Variants in NDRG3 observed in about 807,000 individuals in gnomAD.
NDRG3 encodes the protein NDRG family member 3.
Under a neutral mutation model 57.2 loss-of-function variants are expected in NDRG3, and 23 were observed. That is an observed-to-expected ratio of 0.40 (90% CI 0.29 to 0.57). The LOEUF (loss-of-function observed/expected upper bound fraction) is 0.57, where lower values mean the gene tolerates loss of function less well. Among genes scored for constraint, NDRG3 ranks in the 20% least tolerant of loss-of-function variants. The probability of loss-of-function intolerance (pLI) is 0.42; values close to 1 mark genes in which losing one functional copy is unlikely to be tolerated. For synonymous variants in NDRG3, 132 were observed against 162.6 expected, an observed-to-expected ratio of 0.81 and a Z score of 1.43; for missense variants, 384 against 457.3, an observed-to-expected ratio of 0.84 and a Z score of 1.46.
At chr20:36,660,705 C>T (rs532824456) in intron 12 of NDRG3, among the ~76,000 whole-genome samples, 15 of 151,754 alleles carry the variant, frequency 9.9e-5, no homozygotes, top group African/African-American at 3.1e-4. Context: ...GGACTACAGG[C>T]GCCCGCTACC....
At chr20:36,711,525 A>G (rs1056986788) in intron 2 of NDRG3, among the ~76,000 whole-genome samples, 6 of 152,168 alleles carry the variant, frequency 3.9e-5, no homozygotes, top group Non-Finnish European at 8.8e-5. Context: ...AGCAGCTGTC[A>G]TTGTATCCAT....
chr20:36,716,815 G>A (rs1271555817), intron 2 of NDRG3, among the ~76,000 whole-genome samples: 5 of 152,056 alleles, frequency 3.3e-5, no homozygotes, highest in Admixed American at 1.3e-4. Context: ...GAGGAGCCTG[G>A]AACAACCAGG....
At chr20:36,696,546 T>G (rs1030527098) in intron 3 of NDRG3, among the ~76,000 whole-genome samples, 9 of 151,506 alleles carry the variant, frequency 5.9e-5, no homozygotes, top group African/African-American at 2.2e-4. Flanking sequence ...CAGGCTGGAG[T>G]GCAGTGGCAC....
Position 36,711,021 on chromosome 20 carries a change from G to A in NDRG3, c.58-4014C>T, listed in dbSNP as rs1485228457. 2.0e-5 allele frequency among the ~76,000 whole-genome samples: 3 copies of A among 148,552 alleles called. 1 individual carries two copies. In the Admixed American group the frequency reaches 2.0e-4, roughly 10 times the overall value. ...AAGGGCCAGGCGTGGTGGCTCACCCGTATAATCCCAGCACTTTGGGAGTCC... is the reference window on the plus strand; with the variant it reads ...AAGGGCCAGGCGTGGTGGCTCACCCATATAATCCCAGCACTTTGGGAGTCC... On this transcript the variant is annotated intron_variant, in intron 2 of 15. Coordinates refer to ENST00000349004, the MANE Select transcript of NDRG3 (RefSeq NM_032013.4).
chr20:36,708,591 T>C (rs1249107547), intron 2 of NDRG3, among the ~76,000 whole-genome samples: 1 of 140,296 alleles, frequency 7.1e-6, no homozygotes, highest in Admixed American at 7.9e-5. Context: ...GAGGTTGCGG[T>C]GAGCCGATAT....
intron 3 of NDRG3, among the ~76,000 whole-genome samples, chr20:36,692,638 A>G (rs1391864346): frequency 6.6e-6 from 1 of 152,216 alleles, no homozygotes; most frequent in African/African-American, 2.4e-5. Flanking sequence ...TTTACCCTAC[A>G]GCAATTTTAC....
At chr20:36,729,182 C>T (rs1215929371) in intron 1 of NDRG3, among the ~76,000 whole-genome samples, 3 of 152,172 alleles carry the variant, frequency 2.0e-5, no homozygotes, top group African/African-American at 7.2e-5. Context: ...CCTATACATA[C>T]CAACGACTCA....
At chr20:36,681,942 C>G (rs1981338584) in intron 7 of NDRG3, among the ~76,000 whole-genome samples, 1 of 152,128 alleles carries the variant, frequency 6.6e-6, no homozygotes. Context: ...AGGTGATCCA[C>G]CCGTGTCGGC....
At chr20:36,676,303 G>A (rs749703957) in intron 8 of NDRG3, among the ~76,000 whole-genome samples, 8 of 152,070 alleles carry the variant, frequency 5.3e-5, no homozygotes, top group Non-Finnish European at 1.0e-4. Context: ...GCATCTTTTA[G>A]CAGGAAATAA....
intron 3 of NDRG3, among the ~76,000 whole-genome samples, chr20:36,704,169 T>C (rs1043498829): frequency 6.6e-6 from 1 of 152,138 alleles, no homozygotes; most frequent in African/African-American, 2.4e-5. Context: ...CTCCGCCTTC[T>C]GGATTCAAGC....
At chr20:36,663,153 G>A (rs183987308) in intron 12 of NDRG3, among the ~76,000 whole-genome samples, 3 of 152,182 alleles carry the variant, frequency 2.0e-5, no homozygotes, top group East Asian at 3.9e-4. Context: ...TTTACCTCTG[G>A]GGAATGTTTT....
chr20:36,687,223 C>T (rs1425006983), intron 5 of NDRG3, among the ~76,000 whole-genome samples: 1 of 71,438 alleles, frequency 1.4e-5, no homozygotes, highest in Non-Finnish European at 3.9e-5. Flanking sequence ...GTAGATGTTC[C>T]AGACACTTAT....
intron 3 of NDRG3, among the ~76,000 whole-genome samples, chr20:36,697,983 T>TTTTTTTG (rs1982946168): frequency 6.8e-6 from 1 of 147,794 alleles, no homozygotes; most frequent in Non-Finnish European, 1.5e-5. Flanking sequence ...TTTTTTTTTT[T>TTTTTTTG]GAGACAGAGT....
chr20:36,716,695 A>G (rs1285266657), intron 2 of NDRG3, among the ~76,000 whole-genome samples: 1 of 152,066 alleles, frequency 6.6e-6, no homozygotes, highest in African/African-American at 2.4e-5. Flanking sequence ...CTCAAGCCTC[A>G]CCTTTGGCTT....
chr20:36,687,523 G>A lies in NDRG3; in HGVS notation c.289C>T (p.Gln97Ter). The change falls in exon 5 of 16, where the codon CAG becomes TAG. Residue 97 changes from glutamine (Q) to a stop codon, truncating the protein, a stop_gained. Transcript: ENST00000349004. LOFTEE classifies it high-confidence loss of function. ...FAVCHVDAPG[Q>*]QEGAPSFPTG... ...GGGAAAGAGGGTGCACCTTCCTGCT[G>A]GCCTGGGGCATCCACATGACAGACA... 1.2e-6 allele frequency: 2 copies of A among 1,614,002 alleles called. No homozygotes were observed.
At chr20:36,697,172 G>A (rs545885820) in intron 3 of NDRG3, among the ~76,000 whole-genome samples, 1 of 152,164 alleles carries the variant, frequency 6.6e-6, no homozygotes, top group East Asian at 1.9e-4. Flanking sequence ...CATTATCTAG[G>A]CCTTCTTGCT....
intron 9 of NDRG3, among the ~76,000 whole-genome samples, chr20:36,667,028 G>A (rs1026749846): frequency 3.9e-5 from 6 of 152,054 alleles, no homozygotes; most frequent in Admixed American, 3.3e-4. Flanking sequence ...TAGAGACGGG[G>A]TCTCACCATG....
intron 10 of NDRG3, among the ~76,000 whole-genome samples, chr20:36,665,617 G>C (rs577356915): frequency 6.6e-6 from 1 of 152,152 alleles, no homozygotes; most frequent in East Asian, 1.9e-4. Context: ...GTATTTTTTT[G>C]AGACACAGTC....
At chr20:36,684,509 A>C in intron 5 of NDRG3, 34 bp from the exon 6 acceptor site, 3 of 1,575,274 alleles carry the variant, frequency 1.9e-6, no homozygotes, top group Non-Finnish European at 2.6e-6. Flanking sequence ...TGAATTAGAA[A>C]GCACTCACAA....
Sources: allele counts gnomAD v4.1 joint callset (sites outside exome capture counted in the v4.1 genomes callset), GRCh38; gene constraint gnomAD v4.1.1; transcripts MANE v1.5; gene names NCBI Gene and HGNC (gene_info 2026-07-23, HGNC 2026-07-21).